The following HM13 variants were observed in gnomAD, a reference collection of about 807,000 sequenced individuals.
The protein encoded by HM13 is histocompatibility minor 13.
Under a neutral mutation model 50.0 loss-of-function variants are expected in HM13, and 18 were observed. That is an observed-to-expected ratio of 0.36 (90% CI 0.25 to 0.53). HM13 has a LOEUF of 0.53. Ranked by LOEUF, HM13 falls within the 20% of genes least tolerant of loss-of-function variation. The probability of loss-of-function intolerance (pLI) is 0.90; values close to 1 mark genes in which losing one functional copy is unlikely to be tolerated. For missense variants in HM13, 393 were observed against 552.4 expected (o/e 0.71, Z 2.89); for synonymous variants, 197 against 232.6 (o/e 0.85, Z 1.39).
chr20:31,525,924 G>C (rs1006688347), intron 1 of HM13, among the ~76,000 whole-genome samples: 2 of 152,036 alleles, frequency 1.3e-5, no homozygotes, highest in Non-Finnish European at 2.9e-5. Flanking sequence ...CCAGGAGTTT[G>C]AGACCAGCCT....
At chr20:31,558,513 A>G (rs1984437300) in intron 8 of HM13, among the ~76,000 whole-genome samples, 1 of 151,750 alleles carries the variant, frequency 6.6e-6, no homozygotes, top group Non-Finnish European at 1.5e-5. Context: ...ACATCTCCTG[A>G]GCACTCTTTC....
Position 31,540,058 on chromosome 20 carries a change from A to G in HM13, c.365+1797A>G, listed in dbSNP as rs1017963559. Reference sequence around the variant, plus strand: ...GTAACATCCCTAGAGCACAGTGCCAAGCACACAGTGAGCCTAGTGGCTGGC... The same window carrying G: ...GTAACATCCCTAGAGCACAGTGCCAGGCACACAGTGAGCCTAGTGGCTGGC... On this transcript the variant is annotated intron_variant, in intron 3 of 12. Coordinates refer to ENST00000398174, the MANE Select transcript of HM13 (RefSeq NM_178581.3). 3.9e-5 allele frequency: 6 copies of G among 152,350 alleles called. 1 individual carries two copies. Among genetic ancestry groups the G allele is most frequent in the Non-Finnish European group, 5.9e-5 (4 of 68,144 alleles). The allele number at this position is 152,350 out of a possible 1,614,324, so 9.4% of individuals were successfully genotyped here. A position where few individuals can be genotyped will look rare whatever the true frequency, so the allele number is the denominator to read the frequency against.
At chr20:31,562,970 G>A (rs185623518) in intron 10 of HM13, among the ~76,000 whole-genome samples, 10 of 152,294 alleles carry the variant, frequency 6.6e-5, no homozygotes, top group Non-Finnish European at 5.9e-5. Flanking sequence ...CCTTATTGGA[G>A]TCCAAGCCCA....
chr20:31,538,406 C>T, intron 3 of HM13, 145 bp downstream of exon 3: 1 of 1,502,480 alleles, frequency 6.7e-7, no homozygotes, highest in South Asian at 1.3e-5. Flanking sequence ...CCCCTGCACA[C>T]TGTAGATGAC....
chr20:31,542,609 A>G (rs1241305830), intron 3 of HM13, among the ~76,000 whole-genome samples: 1 of 152,198 alleles, frequency 6.6e-6, no homozygotes, highest in Admixed American at 6.5e-5. Flanking sequence ...GGTAGGGTGA[A>G]GATGATGAGA....
intron 10 of HM13, among the ~76,000 whole-genome samples, chr20:31,564,390 A>G (rs1984777467): frequency 6.6e-6 from 1 of 152,060 alleles, no homozygotes; most frequent in Non-Finnish European, 1.5e-5. Context: ...CAGCCTGGGG[A>G]AAATGGTGAC....
intron 7 of HM13, among the ~76,000 whole-genome samples, chr20:31,553,795 G>A (rs912485635): frequency 1.3e-5 from 2 of 152,102 alleles, no homozygotes; most frequent in Non-Finnish European, 2.9e-5. Flanking sequence ...CAATCTGCGG[G>A]TGTGTAGCCT....
At chr20:31,523,419 C>A (rs1033194742) in intron 1 of HM13, among the ~76,000 whole-genome samples, 1 of 152,030 alleles carries the variant, frequency 6.6e-6, no homozygotes. Flanking sequence ...CACACCAGCA[C>A]GCCCAGCTAA....
intron 7 of HM13, among the ~76,000 whole-genome samples, chr20:31,553,734 T>C (rs1984152281): frequency 6.6e-6 from 1 of 152,102 alleles, no homozygotes; most frequent in Non-Finnish European, 1.5e-5. Context: ...AATCTGTATT[T>C]ATCCAGACAA....
intron 2 of HM13, among the ~76,000 whole-genome samples, chr20:31,530,272 C>A (rs906109556): frequency 3.2e-4 from 49 of 152,070 alleles, no homozygotes; most frequent in African/African-American, 1.2e-3. Context: ...AATCCTCTCC[C>A]CAATACAGTT....
chr20:31,548,266 G>T, intron 4 of HM13: 1 of 495,652 alleles, frequency 2.0e-6, no homozygotes, highest in East Asian at 3.5e-5. Context: ...ACTCTGGAAT[G>T]TGAAAGGAGT....
At chr20:31,553,470 C>G (rs1984137776) in intron 7 of HM13, among the ~76,000 whole-genome samples, 1 of 152,106 alleles carries the variant, frequency 6.6e-6, no homozygotes, top group Non-Finnish European at 1.5e-5. Flanking sequence ...TAGCAGTTAA[C>G]TGTGTACAAA....
intron 12 of HM13, 77 bp downstream of exon 12, chr20:31,568,301 C>G: frequency 6.4e-7 from 1 of 1,559,606 alleles, no homozygotes; most frequent in Non-Finnish European, 8.7e-7. Context: ...CACTGCAGCT[C>G]CAGTGCATAG....
At chr20:31,548,919 C>T (rs774950205) in intron 4 of HM13, 110 bp from the exon 5 acceptor site, 1 of 958,178 alleles carries the variant, frequency 1.0e-6, no homozygotes, top group African/African-American at 1.6e-5. Flanking sequence ...CCCCGCCAGC[C>T]TGTGAACCTC....
intron 1 of HM13, among the ~76,000 whole-genome samples, chr20:31,525,669 CTG>C (rs1982440477): frequency 6.6e-6 from 1 of 151,586 alleles, no homozygotes. Context: ...CCCTTGAGGA[CTG>C]TGAGGATTTT....
intron 7 of HM13, among the ~76,000 whole-genome samples, chr20:31,551,404 G>T (rs954740899): frequency 3.9e-5 from 6 of 152,148 alleles, no homozygotes; most frequent in African/African-American, 1.4e-4. Context: ...TCACATAGCT[G>T]TGTCCAGAAA....
intron 10 of HM13, chr20:31,563,993 T>A (rs2122661538): frequency 6.6e-6 from 1 of 151,922 alleles, no homozygotes; most frequent in East Asian, 1.9e-4. Context: ...GGAGAATCGC[T>A]TGAACTGAGA....
At chr20:31,515,103 T>C (rs555160460) in intron 1 of HM13, among the ~76,000 whole-genome samples, 1 of 152,282 alleles carries the variant, frequency 6.6e-6, no homozygotes, top group African/African-American at 2.4e-5. Flanking sequence ...AGCCCCATCA[T>C]GTATACCTGA....
intron 10 of HM13, among the ~76,000 whole-genome samples, chr20:31,565,007 T>TA (rs1335419861): frequency 4.3e-5 from 6 of 140,116 alleles, no homozygotes; most frequent in Admixed American, 1.4e-4. Flanking sequence ...CTACTAAAAA[T>TA]ACAAAAAAAT....
Sources: gnomAD v4.1 joint callset for allele counts (sites outside exome capture counted in the v4.1 genomes callset) on GRCh38, gnomAD v4.1.1 for gene constraint, MANE v1.5 for transcripts, NCBI Gene and HGNC (gene_info 2026-07-23, HGNC 2026-07-21) for gene names.